The following WASF1 variants were observed in gnomAD, a reference collection of about 807,000 sequenced individuals.
The protein encoded by WASF1 is WASP family member 1, also known as actin-binding protein WASF1.
Under a neutral mutation model 50.5 loss-of-function variants are expected in WASF1, and 7 were observed. The observed-to-expected ratio is 0.14, with a 90% CI of 0.08 to 0.26. The LOEUF (loss-of-function observed/expected upper bound fraction) is 0.26, where lower values mean the gene tolerates loss of function less well. WASF1 is among the 10% of genes least tolerant of loss of function. WASF1 has a pLI of 1.00. For missense variants in WASF1, 470 were observed against 694.7 expected (o/e 0.68, Z 3.64); for synonymous variants, 205 against 244.0 (o/e 0.84, Z 1.49).
chr6:110,103,917 C>T (rs1401948402), intron 8 of WASF1, among the ~76,000 whole-genome samples: 1 of 151,804 alleles, frequency 6.6e-6, no homozygotes, highest in African/African-American at 2.4e-5. Context: ...CTATTTAGTT[C>T]TTTACAAGAA....
chr6:110,115,542 A>C (rs1275028018), intron 4 of WASF1, among the ~76,000 whole-genome samples: 2 of 152,230 alleles, frequency 1.3e-5, no homozygotes, highest in Non-Finnish European at 2.9e-5. Context: ...ATCTCTGGCC[A>C]CTCAGAACCC....
intron 3 of WASF1, among the ~76,000 whole-genome samples, chr6:110,151,080 G>A (rs1775801910): frequency 6.6e-6 from 1 of 152,138 alleles, no homozygotes; most frequent in Non-Finnish European, 1.5e-5. Flanking sequence ...ATCTTAAAAA[G>A]ATTTTAATGT....
intron 3 of WASF1, among the ~76,000 whole-genome samples, chr6:110,154,626 AG>A (rs1290487277): frequency 4.6e-5 from 7 of 152,248 alleles, no homozygotes; most frequent in African/African-American, 1.7e-4. Flanking sequence ...ATGATTATGA[AG>A]ATTATACACT....
At chr6:110,133,242 T>C (rs1305625629) in intron 3 of WASF1, among the ~76,000 whole-genome samples, 3 of 152,212 alleles carry the variant, frequency 2.0e-5, no homozygotes, top group Admixed American at 2.0e-4. Context: ...CAAATTGTGC[T>C]GCTATATACA....
At chr6:110,143,347 T>TAA (rs142383137) in intron 3 of WASF1, among the ~76,000 whole-genome samples, 11,031 of 151,956 alleles carry the variant, frequency 0.073, 540 homozygotes, top group African/African-American at 0.14. Flanking sequence ...AATTCTAAAT[T>TAA]GTTTATTTTG....
chr6:110,144,165 T>A (rs1042613776), intron 3 of WASF1, among the ~76,000 whole-genome samples: 21 of 152,238 alleles, frequency 1.4e-4, no homozygotes, highest in African/African-American at 4.8e-4. Context: ...CTAACTGGTG[T>A]GAGATGGTAT....
intron 3 of WASF1, among the ~76,000 whole-genome samples, chr6:110,141,995 C>T (rs184999318): frequency 6.6e-5 from 10 of 152,150 alleles, no homozygotes; most frequent in East Asian, 1.9e-4. Context: ...CTCGAACTCC[C>T]GACCTCGTGA....
At chr6:110,104,489 TA>T (rs1186656991) in intron 8 of WASF1, among the ~76,000 whole-genome samples, 1 of 152,086 alleles carries the variant, frequency 6.6e-6, no homozygotes, top group Non-Finnish European at 1.5e-5. Context: ...TCTTTTCCAT[TA>T]AAAAATCATA....
intron 2 of WASF1, among the ~76,000 whole-genome samples, chr6:110,173,688 ACT>A (rs1434391561): frequency 2.0e-5 from 3 of 152,080 alleles, no homozygotes; most frequent in Admixed American, 6.6e-5. Flanking sequence ...TACAGTCAGG[ACT>A]CTGTGCATCT....
At chr6:110,131,611 G>A (rs1378238503) in intron 3 of WASF1, among the ~76,000 whole-genome samples, 1 of 152,122 alleles carries the variant, frequency 6.6e-6, no homozygotes, top group Non-Finnish European at 1.5e-5. Context: ...GGGTTCAAGC[G>A]ATTCTCCTGC....
intron 2 of WASF1, among the ~76,000 whole-genome samples, chr6:110,173,497 C>T (rs1391525802): frequency 6.6e-6 from 1 of 152,104 alleles, no homozygotes; most frequent in Non-Finnish European, 1.5e-5. Context: ...AATTCCACCT[C>T]CATTTCTATT....
intron 3 of WASF1, among the ~76,000 whole-genome samples, chr6:110,153,317 T>C (rs1775906999): frequency 6.6e-6 from 1 of 152,074 alleles, no homozygotes; most frequent in Non-Finnish European, 1.5e-5. Flanking sequence ...AATGGCAAAA[T>C]AGTTTAACCA....
chr6:110,121,713 TACTATA>T (rs1477719911), intron 4 of WASF1, among the ~76,000 whole-genome samples: 2 of 152,210 alleles, frequency 1.3e-5, no homozygotes. Flanking sequence ...TAAATCATGC[TACTATA>T]AAGACAAATG....
intron 2 of WASF1, among the ~76,000 whole-genome samples, chr6:110,161,320 T>C (rs1424450089): frequency 1.3e-5 from 2 of 151,584 alleles, no homozygotes; most frequent in Admixed American, 6.6e-5. Context: ...CATATGTTCT[T>C]AGGAGGGAGG....
intron 8 of WASF1, among the ~76,000 whole-genome samples, chr6:110,104,014 A>G (rs1230541951): frequency 6.6e-6 from 1 of 152,152 alleles, no homozygotes; most frequent in African/African-American, 2.4e-5. Flanking sequence ...AATGACTTCT[A>G]AAAGTCTTGC....
intron 4 of WASF1, among the ~76,000 whole-genome samples, chr6:110,124,272 CTCTATATA>C (rs1412232548): frequency 1.2e-3 from 52 of 42,650 alleles, no homozygotes; most frequent in South Asian, 2.0e-3. Context: ...CTCTCTCTCT[CTCTATATA>C]TATATATATA....
chr6:110,121,287 T>A (rs1048469717), intron 4 of WASF1, among the ~76,000 whole-genome samples: 2 of 152,110 alleles, frequency 1.3e-5, no homozygotes, highest in Non-Finnish European at 2.9e-5. Flanking sequence ...AATCTACCCA[T>A]CTGACAAAGG....
intron 3 of WASF1, among the ~76,000 whole-genome samples, chr6:110,149,928 T>C (rs2114577697): frequency 6.6e-6 from 1 of 152,224 alleles, no homozygotes; most frequent in South Asian, 2.1e-4. Flanking sequence ...CTCCCTAACT[T>C]GCCTGCCCAG....
chr6:110,136,662 G>A (rs560184232), intron 3 of WASF1, among the ~76,000 whole-genome samples: 4 of 152,132 alleles, frequency 2.6e-5, no homozygotes, highest in African/African-American at 7.2e-5. Context: ...GGTTGTGTTT[G>A]CATGATAGAG....
Sources: allele counts gnomAD v4.1 joint callset (sites outside exome capture counted in the v4.1 genomes callset), GRCh38; gene constraint gnomAD v4.1.1; transcripts MANE v1.5; gene names NCBI Gene and HGNC (gene_info 2026-07-23, HGNC 2026-07-21).